Variants in PDZD2 observed in about 807,000 individuals in gnomAD.
The protein encoded by PDZD2 is PDZ domain containing 2.
A neutral mutation model predicts 220.7 loss-of-function variants in PDZD2; 90 were observed. The observed-to-expected ratio is 0.41, with a 90% CI of 0.34 to 0.49. The LOEUF (loss-of-function observed/expected upper bound fraction) is 0.49. Among genes scored for constraint, PDZD2 ranks in the 20% least tolerant of loss-of-function variants. The probability of loss-of-function intolerance (pLI) is 0.28; values close to 1 mark genes in which losing one functional copy is unlikely to be tolerated. For synonymous variants in PDZD2, 1,375 were observed against 1,450.5 expected (o/e 0.95, Z 1.18); for missense variants, 3,174 against 3,608.5 (o/e 0.88, Z 3.08).
chr5:32,013,322 C>CTTTT (rs11428109), intron 6 of PDZD2, among the ~76,000 whole-genome samples: 20 of 135,830 alleles, frequency 1.5e-4, no homozygotes, highest in African/African-American at 3.8e-4. Context: ...TCTGTGTTAT[C>CTTTT]TTTTTTTTTT....
intron 1 of PDZD2, among the ~76,000 whole-genome samples, chr5:31,731,923 C>T (rs966306862): frequency 6.6e-6 from 1 of 152,184 alleles, no homozygotes; most frequent in Non-Finnish European, 1.5e-5. Flanking sequence ...GAGGGCTCAG[C>T]GTTGGTTTCA....
chr5:32,104,856 C>CAGGG (rs1166331901), intron 24 of PDZD2, among the ~76,000 whole-genome samples: 1 of 150,916 alleles, frequency 6.6e-6, no homozygotes, highest in Non-Finnish European at 1.5e-5. Flanking sequence ...CCAGAATAGG[C>CAGGG]AGGGTACCGT....
chr5:31,882,791 G>A (rs1740043698), intron 2 of PDZD2, among the ~76,000 whole-genome samples: 1 of 151,968 alleles, frequency 6.6e-6, no homozygotes, highest in African/African-American at 2.4e-5. Flanking sequence ...CACTTTGGGA[G>A]GCCGAGGTGG....
rs148840310 is a variant in PDZD2, at chr5:31,828,511, A to C, written c.476+28787A>C. Among the ~76,000 whole-genome samples, 611 of 152,304 alleles carry C rather than the reference A, an allele frequency of 4.0e-3. 4 individuals carry two copies. The highest frequency in any genetic ancestry group is 6.2e-3 in the Non-Finnish European group (422 of 68,034). On this transcript the variant is annotated intron_variant, in intron 2 of 24. Coordinates refer to ENST00000438447, the MANE Select transcript of PDZD2 (RefSeq NM_178140.4). ...GTCTATTTATTTTATTTTTTAAGAC[A>C]GGGTCTTCCGCTGCCACCCAGCCTG...
In PDZD2 at chr5:32,091,050, G is replaced by T; in HGVS notation, c.7602G>T (p.Lys2534Asn). 1.2e-6 allele frequency: 2 copies of T among 1,613,832 alleles called. No individual in the cohort carries two copies. Among genetic ancestry groups the T allele is most frequent in the East Asian group, 4.5e-5 (2 of 44,842 alleles). ...PPAGGVSCPE[K>N]GGNRACPGGS... ...CTGGAGGCGTTTCGTGTCCCGAGAA[G>T]GGCGGGAACAGGGCCTGTCCAGGAG... Residue 2534 changes from lysine (K) to asparagine (N), a missense_variant, in exon 20 of 25, where the codon AAG becomes AAT. Coordinates refer to ENST00000438447, the MANE Select transcript of PDZD2 (RefSeq NM_178140.4).
intron 6 of PDZD2, among the ~76,000 whole-genome samples, chr5:32,026,541 G>C (rs563109782): frequency 1.3e-5 from 2 of 151,968 alleles, no homozygotes; most frequent in Non-Finnish European, 2.9e-5. Flanking sequence ...ATGTGTATGC[G>C]TGCACGTGCA....
intron 1 of PDZD2, among the ~76,000 whole-genome samples, chr5:31,786,646 C>G (rs190070134): frequency 6.6e-6 from 1 of 151,968 alleles, no homozygotes; most frequent in East Asian, 1.9e-4. Flanking sequence ...ATCCCTGCCT[C>G]GCTAACTTAG....
At chr5:31,677,861 G>A (rs1181605226) in intron 1 of PDZD2, among the ~76,000 whole-genome samples, 4 of 151,886 alleles carry the variant, frequency 2.6e-5, no homozygotes, top group Non-Finnish European at 4.4e-5. Context: ...TTAGGGGGTC[G>A]AATGGGGATG....
intron 2 of PDZD2, among the ~76,000 whole-genome samples, chr5:31,953,792 C>G (rs1011458063): frequency 6.6e-6 from 1 of 151,902 alleles, no homozygotes; most frequent in African/African-American, 2.4e-5. Context: ...GCTGGGACTA[C>G]AGGCATGTGC....
At chr5:31,647,164 C>T (rs1333490629) in intron 1 of PDZD2, among the ~76,000 whole-genome samples, 1 of 152,140 alleles carries the variant, frequency 6.6e-6, no homozygotes, top group African/African-American at 2.4e-5. Flanking sequence ...TCTTGAGGAT[C>T]TCTGAAGACT....
At chr5:31,825,493 A>G (rs1436450384) in intron 2 of PDZD2, among the ~76,000 whole-genome samples, 1 of 152,210 alleles carries the variant, frequency 6.6e-6, no homozygotes, top group Non-Finnish European at 1.5e-5. Flanking sequence ...TTGCAAACAA[A>G]TAAGCCCTAG....
chr5:31,946,250 G>T (rs1746620473), intron 2 of PDZD2, among the ~76,000 whole-genome samples: 1 of 152,214 alleles, frequency 6.6e-6, no homozygotes, highest in Admixed American at 6.5e-5. Context: ...TGCTCTGCCT[G>T]CCTCGGCCTC....
At chr5:32,059,418 G>A in intron 13 of PDZD2, 62 bp downstream of exon 13, 1 of 816,884 alleles carries the variant, frequency 1.2e-6, no homozygotes, top group Non-Finnish European at 2.1e-6. Context: ...ATATACACGT[G>A]TGATATTTGT....
intron 2 of PDZD2, among the ~76,000 whole-genome samples, chr5:31,955,490 G>A (rs188070839): frequency 0.016 from 2,432 of 151,764 alleles, 33 homozygotes; most frequent in Non-Finnish European, 0.024. Context: ...TAGTAGAGAC[G>A]GGGTTTTACC....
At position 32,069,741 on chromosome 5, in the gene PDZD2, C is replaced by A. The variant is rs1206168477; in HGVS notation, c.2533+91C>A. 5.7e-6 allele frequency: 4 copies of A among 705,966 alleles called. No individual in the cohort carries two copies. The African/African-American group carries it at 7.1e-5, about 13-fold the overall frequency. 43.7% of individuals were successfully genotyped at this position (705,966 alleles called of 1,614,324 possible). On this transcript the variant is annotated intron_variant, in intron 15 of 24. Transcript: ENST00000438447. Reference sequence around the variant, plus strand: ...CTCCCCAGTGCAGTATTATTGGATTCTTGGTAATTATCAGGTTTGGCAAAA... The same window carrying A: ...CTCCCCAGTGCAGTATTATTGGATTATTGGTAATTATCAGGTTTGGCAAAA...
intron 3 of PDZD2, among the ~76,000 whole-genome samples, chr5:31,992,156 C>A (rs1420792280): frequency 1.3e-5 from 2 of 152,088 alleles, no homozygotes; most frequent in African/African-American, 4.8e-5. Flanking sequence ...GGTGAGGAAA[C>A]TTGCATTAAT....
Position 32,090,047 on chromosome 5 carries a change from A to G in PDZD2, c.6599A>G (p.Asn2200Ser), listed in dbSNP as rs1742943500. Residue 2200 changes from asparagine (N) to serine (S), a missense_variant, in exon 20 of 25, where the codon AAC (asparagine) becomes AGC (serine). Physicochemically the swap from Asn to Ser is conservative, Grantham distance 46. Around this residue, in one of 4 missense-constraint regions of PDZD2, gnomAD observed 1,861 missense variants for 2,001.0 expected, o/e 0.93. Coordinates refer to ENST00000438447, the MANE Select transcript of PDZD2 (RefSeq NM_178140.4). This position sits in a 1 kb window ranked among gnomAD's most constrained non-coding sequence, Gnocchi z 4.3. ...TCAGACTCCCGAGGGGTGCCCAGAA[A>G]CAGCATTCCAGGGGGCCCCTCGGGG... The part of the protein sequence containing the change: ...LMSDSRGVPR[N>S]SIPGGPSGED... The G allele has an allele frequency of 3.1e-6, 5 of 1,613,066 alleles. No homozygotes were observed. Among genetic ancestry groups the G allele is most frequent in the Non-Finnish European group, 4.2e-6 (5 of 1,179,664 alleles).
At chr5:32,008,252 A>G (rs1164122474) in intron 5 of PDZD2, among the ~76,000 whole-genome samples, 3 of 145,976 alleles carry the variant, frequency 2.1e-5, no homozygotes, top group African/African-American at 5.1e-5. Flanking sequence ...CTTATCTGAC[A>G]TTTTGATTCA....
At chr5:31,731,991 A>G (rs1333430463) in intron 1 of PDZD2, among the ~76,000 whole-genome samples, 2 of 152,206 alleles carry the variant, frequency 1.3e-5, no homozygotes, top group African/African-American at 4.8e-5. Context: ...TAGGATCATG[A>G]AATCTGAGCA....
Sources: allele counts gnomAD v4.1 joint callset (sites outside exome capture counted in the v4.1 genomes callset), GRCh38; gene constraint gnomAD v4.1.1; regional missense constraint gnomAD v4.1.1; non-coding constraint Gnocchi (gnomAD v3.1); transcripts MANE v1.5; gene names NCBI Gene and HGNC (gene_info 2026-07-23, HGNC 2026-07-21).